Variants in PTK2 observed in about 807,000 individuals in gnomAD.
The protein encoded by PTK2 is protein tyrosine kinase 2, also known as focal adhesion kinase 1.
In PTK2, 45 loss-of-function variants were observed where a neutral mutation model predicts 150.1. That is an observed-to-expected ratio of 0.30 (90% CI 0.24 to 0.38). The LOEUF (loss-of-function observed/expected upper bound fraction) is 0.38, where lower values mean the gene tolerates loss of function less well. Ranked by LOEUF, PTK2 falls within the 10% of genes least tolerant of loss-of-function variation. The pLI, the probability that PTK2 is intolerant of heterozygous loss-of-function variation, is 1.00. For missense variants in PTK2, 919 were observed against 1,307.3 expected (o/e 0.70, Z 4.58); for synonymous variants, 432 against 449.2 (o/e 0.96, Z 0.48).
intron 4 of PTK2, among the ~76,000 whole-genome samples, chr8:140,869,800 A>G (rs1406804375): frequency 6.6e-6 from 1 of 152,116 alleles, no homozygotes; most frequent in Non-Finnish European, 1.5e-5. Context: ...ATAGATGAAG[A>G]TATTATAATC....
rs1278235532 is a variant in PTK2 at position 140,770,708 on chromosome 8, T to A, written c.1178-6418A>T. On this transcript the variant is annotated intron_variant, in intron 14 of 31. Transcript: ENST00000522684. ...ATAGGAGAGCCTGTGCAAATATGAG[T>A]GCAGTACCCGTAGAAGGAGGATCAT... The A allele has an allele frequency of 7.6e-7, 1 of 1,307,258 alleles. No individual in the cohort carries two copies. The highest frequency in any genetic ancestry group is 2.1e-5 in the Admixed American group (1 of 48,074). 81.0% of individuals were successfully genotyped at this position (1,307,258 alleles called of 1,614,324 possible).
intron 14 of PTK2, among the ~76,000 whole-genome samples, chr8:140,786,180 T>C (rs1440213863): frequency 6.6e-6 from 1 of 152,148 alleles, no homozygotes; most frequent in Non-Finnish European, 1.5e-5. Context: ...CCGCAGGGCT[T>C]GTTAGGGGTT....
At chr8:140,663,767 G>A (rs1211921941) in intron 31 of PTK2, among the ~76,000 whole-genome samples, 1 of 151,980 alleles carries the variant, frequency 6.6e-6, no homozygotes, top group African/African-American at 2.4e-5. Context: ...TGAAACTCCT[G>A]GGCTCAAGCG....
chr8:140,770,602 A>C (rs1290675036), intron 14 of PTK2, 114 bp downstream of exon 15: 2 of 339,124 alleles, frequency 5.9e-6, no homozygotes, highest in Non-Finnish European at 9.0e-6. Context: ...CACATACACT[A>C]ATATTCAATA....
intron 10 of PTK2, among the ~76,000 whole-genome samples, chr8:140,812,502 T>G (rs957059524): frequency 6.6e-6 from 1 of 152,162 alleles, no homozygotes; most frequent in Non-Finnish European, 1.5e-5. Context: ...AATAACAAGC[T>G]AACACCATGA....
intron 20 of PTK2, among the ~76,000 whole-genome samples, chr8:140,741,395 C>A (rs2154438077): frequency 6.6e-6 from 1 of 151,550 alleles, no homozygotes; most frequent in Non-Finnish European, 1.5e-5. Flanking sequence ...GTGGAGCTTG[C>A]AGTGAGCCCA....
At chr8:140,832,078 T>A (rs1597705595) in intron 7 of PTK2, among the ~76,000 whole-genome samples, 1 of 152,166 alleles carries the variant, frequency 6.6e-6, no homozygotes, top group Non-Finnish European at 1.5e-5. Flanking sequence ...TTTTTGAGAC[T>A]GAGTCTCGCT....
chr8:140,746,892 CTTTTTTTTTTT>C, intron 17 of PTK2, 32 bp from the exon 21 acceptor site: 3 of 989,542 alleles, frequency 3.0e-6, no homozygotes, highest in Admixed American at 2.7e-5. Flanking sequence ...GTTATTCTTT[CTTTTTTTTTTT>C]TTTTTTTAGA....
At chr8:140,992,268 G>C (rs1479667459) in intron 1 of PTK2, among the ~76,000 whole-genome samples, 1 of 149,416 alleles carries the variant, frequency 6.7e-6, no homozygotes, top group Non-Finnish European at 1.5e-5. Context: ...CTCCAGCCTG[G>C]GCAACAGAGT....
chr8:140,733,446 T>G (rs1054243749), intron 22 of PTK2, among the ~76,000 whole-genome samples: 1 of 151,650 alleles, frequency 6.6e-6, no homozygotes, highest in Admixed American at 6.6e-5. Flanking sequence ...AAAACAGAAA[T>G]TTGGTTAATA....
intron 1 of PTK2, among the ~76,000 whole-genome samples, chr8:140,971,327 T>C (rs2100187184): frequency 6.6e-6 from 1 of 152,246 alleles, no homozygotes; most frequent in Non-Finnish European, 1.5e-5. Flanking sequence ...ATCTGTCAGG[T>C]GTTATTGGAC....
rs569579954 is a variant in PTK2, at chr8:140,903,658, T to C, written c.-32-12889A>G. On this transcript the variant is annotated intron_variant, in intron 2 of 31. Coordinates refer to ENST00000522684, the Ensembl canonical transcript of PTK2. ...GAGCATGGAATGTTTTTCCATTTGT[T>C]TGTGTCCTCTCTTATTTCCATGAGC... 6.6e-5 allele frequency among the ~76,000 whole-genome samples: 10 copies of C among 152,318 alleles called. No homozygotes were observed. In the East Asian group the frequency reaches 1.5e-3, roughly 24 times the overall value.
chr8:140,735,574 A>G, intron 21 of PTK2, 119 bp from the exon 25 acceptor site: 1 of 843,790 alleles, frequency 1.2e-6, no homozygotes, highest in Non-Finnish European at 2.0e-6. Context: ...TGGGCAAATT[A>G]TCTACCAAAG....
At chr8:140,819,932 A>C (rs2100107127) in intron 8 of PTK2, among the ~76,000 whole-genome samples, 1 of 152,010 alleles carries the variant, frequency 6.6e-6, no homozygotes, top group African/African-American at 2.4e-5. Context: ...CAGTCTGAGA[A>C]GGCCATGGAT....
intron 1 of PTK2, among the ~76,000 whole-genome samples, chr8:140,938,599 T>C (rs2100174548): frequency 1.3e-5 from 2 of 152,190 alleles, no homozygotes; most frequent in African/African-American, 4.8e-5. Flanking sequence ...AGCACTCCCT[T>C]GTGGGAACTG....
chr8:140,932,796 G>C (rs1159177599), intron 1 of PTK2, among the ~76,000 whole-genome samples: 3 of 151,780 alleles, frequency 2.0e-5, no homozygotes, highest in African/African-American at 7.3e-5. Context: ...GCCTCATCAG[G>C]GTACAACAGA....
intron 2 of PTK2, among the ~76,000 whole-genome samples, chr8:140,898,715 C>T (rs186081627): frequency 2.0e-4 from 31 of 152,122 alleles, no homozygotes; most frequent in Middle Eastern, 3.4e-3. Flanking sequence ...TCCAGAATTC[C>T]CTCATTTATA....
At chr8:140,693,816 G>GAAAACAGATGTC (rs1157777241) in intron 26 of PTK2, among the ~76,000 whole-genome samples, 5 of 152,030 alleles carry the variant, frequency 3.3e-5, no homozygotes, top group Non-Finnish European at 7.4e-5. Context: ...TGTGATCTCT[G>GAAAACAGATGTC]AAAACAGATG....
chr8:140,886,502 G>A (rs2100152365), intron 3 of PTK2, among the ~76,000 whole-genome samples: 2 of 152,204 alleles, frequency 1.3e-5, no homozygotes, highest in South Asian at 2.1e-4. Flanking sequence ...GTAGATTCAA[G>A]AGACTACGGG....
Sources: gnomAD v4.1 joint callset for allele counts (sites outside exome capture counted in the v4.1 genomes callset) on GRCh38, gnomAD v4.1.1 for gene constraint, MANE v1.5 for transcripts, NCBI Gene and HGNC (gene_info 2026-07-23, HGNC 2026-07-21) for gene names.